Variants in CHST11 observed in about 807,000 individuals in gnomAD.
CHST11 encodes C4S-1.
In CHST11, 9 loss-of-function variants were observed where a neutral mutation model predicts 30.4. The observed-to-expected ratio is 0.30, with a 90% CI of 0.18 to 0.52. The LOEUF (loss-of-function observed/expected upper bound fraction) is 0.52. Ranked by LOEUF, CHST11 falls within the 20% of genes least tolerant of loss-of-function variation. CHST11 has a pLI of 0.97. For missense variants in CHST11, 348 were observed against 460.6 expected, an observed-to-expected ratio of 0.76 and a Z score of 2.24; for synonymous variants, 152 against 187.8, an observed-to-expected ratio of 0.81 and a Z score of 1.56.
chr12:104,575,540 C>G (rs1370565712), intron 1 of CHST11, among the ~76,000 whole-genome samples: 1 of 152,156 alleles, frequency 6.6e-6, no homozygotes, highest in African/African-American at 2.4e-5. Flanking sequence ...TTAACTTAGA[C>G]AACTGATAGG....
At chr12:104,459,756 T>C (rs2135946997) in intron 1 of CHST11, among the ~76,000 whole-genome samples, 1 of 152,328 alleles carries the variant, frequency 6.6e-6, no homozygotes, top group South Asian at 2.1e-4. Context: ...CTGTCGATGA[T>C]CCTGCCCCAT....
intron 2 of CHST11, among the ~76,000 whole-genome samples, chr12:104,656,991 G>A (rs1348998492): frequency 6.8e-6 from 1 of 147,068 alleles, no homozygotes; most frequent in Non-Finnish European, 1.5e-5. Context: ...TTCAGGCATC[G>A]TCTGATCAAA....
Position 104,633,293 on chromosome 12 carries a change from TAAAAG to T in CHST11, c.204+31305_204+31309del, listed in dbSNP as rs141964771. Among the ~76,000 whole-genome samples, 709 of 152,270 alleles carry T rather than the reference TAAAAG, an allele frequency of 4.7e-3. 5 individuals are homozygous for T. Among genetic ancestry groups the T allele is most frequent in the African/African-American group, 0.016 (676 of 41,558 alleles). ...TCTTCACTGCCTCCTATTAAGCAATTAAAAGAAGGCACACATTATTCTATGAATAT... is the reference window on the plus strand; with the variant it reads ...TCTTCACTGCCTCCTATTAAGCAATTAAGGCACACATTATTCTATGAATAT... On this transcript the variant is annotated intron_variant, in intron 2 of 2. Transcript: ENST00000303694.
At chr12:104,601,438 G>C (rs1234449929) in intron 1 of CHST11, among the ~76,000 whole-genome samples, 1 of 152,200 alleles carries the variant, frequency 6.6e-6, no homozygotes, top group African/African-American at 2.4e-5. Context: ...CTGTCCAGTG[G>C]GAGGAGCCTC....
chr12:104,468,539 T>A (rs2037480463), intron 1 of CHST11, among the ~76,000 whole-genome samples: 1 of 152,194 alleles, frequency 6.6e-6, no homozygotes, highest in African/African-American at 2.4e-5. Flanking sequence ...ACTCTTCCCA[T>A]CCACCCTAAA....
intron 1 of CHST11, among the ~76,000 whole-genome samples, chr12:104,526,429 C>T (rs372214460): frequency 2.0e-5 from 3 of 152,150 alleles, no homozygotes; most frequent in South Asian, 2.1e-4. Context: ...CCAGTTCAGC[C>T]GGCTACTTCC....
intron 1 of CHST11, among the ~76,000 whole-genome samples, chr12:104,562,722 G>C (rs2038525666): frequency 6.6e-6 from 1 of 152,184 alleles, no homozygotes; most frequent in Non-Finnish European, 1.5e-5. Flanking sequence ...CAGAAAGCCT[G>C]CCTGCCGGGC....
chr12:104,580,855 G>T (rs2038735860), intron 1 of CHST11, among the ~76,000 whole-genome samples: 1 of 152,190 alleles, frequency 6.6e-6, no homozygotes, highest in Admixed American at 6.5e-5. Context: ...GCTTCCCAAA[G>T]TGCTGGGATT....
intron 2 of CHST11, among the ~76,000 whole-genome samples, chr12:104,660,490 A>G (rs949096338): frequency 6.6e-6 from 1 of 152,224 alleles, no homozygotes; most frequent in Non-Finnish European, 1.5e-5. Context: ...TAGAGAAACC[A>G]ACTTTGTATG....
chr12:104,468,471 G>T (rs1336602101), intron 1 of CHST11, among the ~76,000 whole-genome samples: 1 of 152,140 alleles, frequency 6.6e-6, no homozygotes, highest in African/African-American at 2.4e-5. Flanking sequence ...ACCAAACCCG[G>T]CTGTATGACT....
chr12:104,674,002 G>C (rs1235465161), intron 2 of CHST11, among the ~76,000 whole-genome samples: 1 of 152,162 alleles, frequency 6.6e-6, no homozygotes, highest in East Asian at 1.9e-4. Context: ...AGCTCTCCCG[G>C]CCTCTGTTGA....
intron 1 of CHST11, among the ~76,000 whole-genome samples, chr12:104,518,979 T>C (rs897749791): frequency 5.9e-5 from 9 of 151,466 alleles, no homozygotes; most frequent in African/African-American, 1.5e-4. Context: ...TCTTTCTTTT[T>C]TTTTTTTTTT....
chr12:104,635,960 G>A lies in CHST11; in HGVS notation c.204+33969G>A, dbSNP rs117830587. On this transcript the variant is annotated intron_variant, in intron 2 of 2. Transcript: ENST00000303694. ...ATTCAACCTGTGTAGTTTTCATTCC[G>A]GACAGGATGGGCTGCTGGATGCAGT... is the stretch of plus-strand genomic sequence containing the variant. Among the ~76,000 whole-genome samples the A allele has an allele frequency of 9.7e-3, 1,481 of 152,244 alleles. 43 individuals carry two copies. The highest frequency in any genetic ancestry group is 0.068 in the East Asian group (350 of 5,182).
In CHST11 at chr12:104,756,988, C is replaced by T. The variant is rs962938638; in HGVS notation, c.244C>T (p.Arg82Trp). 2 of 1,611,352 alleles carry T rather than the reference C, an allele frequency of 1.2e-6. No individual in the cohort carries two copies. The highest frequency in any genetic ancestry group is 1.7e-6 in the Non-Finnish European group (2 of 1,178,364). ...SNTAVLHQMR[R>W]DQVTDTCRAN... ...CACTGCTGTCCTGCACCAGATGCGG[C>T]GGGACCAGGTGACAGACACGTGCCG... Residue 82 changes from arginine to tryptophan, a missense_variant, in exon 3 of 3, where the codon CGG becomes TGG. Physicochemically the swap from Arg to Trp is moderately radical, Grantham distance 101. Coordinates refer to ENST00000303694, the MANE Select transcript of CHST11 (RefSeq NM_018413.6).
At chr12:104,515,798 A>G (rs2038016572) in intron 1 of CHST11, among the ~76,000 whole-genome samples, 1 of 152,166 alleles carries the variant, frequency 6.6e-6, no homozygotes. Context: ...GTGAGCCCTG[A>G]ACCTACATGA....
chr12:104,491,491 G>C (rs2037746040), intron 1 of CHST11, among the ~76,000 whole-genome samples: 1 of 150,860 alleles, frequency 6.6e-6, no homozygotes, highest in Non-Finnish European at 1.5e-5. Flanking sequence ...TTAGTATTAT[G>C]GGGATCTGTT....
intron 2 of CHST11, among the ~76,000 whole-genome samples, chr12:104,649,123 G>A (rs1157975781): frequency 6.6e-6 from 1 of 151,984 alleles, no homozygotes; most frequent in Non-Finnish European, 1.5e-5. Flanking sequence ...GGGAAGCAGA[G>A]TAGAGAAGGG....
chr12:104,506,809 AT>A (rs1218731928), intron 1 of CHST11, among the ~76,000 whole-genome samples: 2 of 152,182 alleles, frequency 1.3e-5, no homozygotes, highest in Admixed American at 6.5e-5. Context: ...CCAAGCCATC[AT>A]TCGTTACTTG....
intron 2 of CHST11, among the ~76,000 whole-genome samples, chr12:104,626,445 G>A (rs753774140): frequency 1.1e-4 from 16 of 151,774 alleles, no homozygotes; most frequent in South Asian, 4.2e-4. Context: ...AGCATTCACC[G>A]AACCCCTGAG....
Sources: allele counts gnomAD v4.1 joint callset (sites outside exome capture counted in the v4.1 genomes callset), GRCh38; gene constraint gnomAD v4.1.1; transcripts MANE v1.5; gene names NCBI Gene and HGNC (gene_info 2026-07-23, HGNC 2026-07-21).